TRPV1: variants seen among roughly 807,000 people sequenced by gnomAD.
The protein encoded by TRPV1 is transient receptor potential cation channel subfamily V member 1.
Under a neutral mutation model 82.3 loss-of-function variants are expected in TRPV1, and 82 were observed. The observed-to-expected ratio is 1.00, with a 90% confidence interval of 0.83 to 1.20. The LOEUF (loss-of-function observed/expected upper bound fraction) is 1.20, where lower values mean the gene tolerates loss of function less well. Ranked by LOEUF, TRPV1 falls within the 50% of genes most tolerant of loss-of-function variation. TRPV1 has a pLI of 0.00. For synonymous variants in TRPV1, 515 were observed against 467.7 expected (o/e 1.10, Z -1.30); for missense variants, 1,067 against 1,096.8 (o/e 0.97, Z 0.38).
chr17:3,593,973 C>G (rs934341504), intron 2 of TRPV1, among the ~76,000 whole-genome samples: 1 of 151,598 alleles, frequency 6.6e-6, no homozygotes, highest in African/African-American at 2.4e-5. Flanking sequence ...AAAAAAAATA[C>G]AAAAATTAGC....
intron 2 of TRPV1, among the ~76,000 whole-genome samples, chr17:3,602,749 T>C (rs161373): frequency 0.74 from 113,273 of 152,116 alleles, 43,966 homozygotes; most frequent in East Asian, 1. Flanking sequence ...TTAAGCTGAG[T>C]TCTTGACATT....
At chr17:3,608,735 T>C (rs1432425057) in intron 1 of TRPV1, 170 bp from the exon 2 acceptor site, 1 of 152,224 alleles carries the variant, frequency 6.6e-6, no homozygotes, top group Non-Finnish European at 1.5e-5. Flanking sequence ...GACGTTTTTC[T>C]GGTAGAACAC....
At chr17:3,585,572 C>G (rs1360411487) in intron 9 of TRPV1, 196 bp downstream of exon 9, 11 of 643,206 alleles carry the variant, frequency 1.7e-5, no homozygotes, top group Non-Finnish European at 2.4e-5. Flanking sequence ...GGGGGCGGGT[C>G]TCCTGTACAG....
Position 3,590,290 on chromosome 17 carries a change from A to C in TRPV1, c.707T>G (p.Phe236Cys), listed in dbSNP as rs754449776. 2 of 1,613,946 alleles carry C rather than the reference A, an allele frequency of 1.2e-6. No individual in the cohort carries two copies. Among genetic ancestry groups the C allele is most frequent in the Admixed American group, 3.3e-5 (2 of 60,018 alleles). The change falls in exon 6 of 17, where the codon TTC becomes TGC. Residue 236 changes from phenylalanine (F) to cysteine (C), a missense_variant. By Grantham distance (205) the Phe-to-Cys change is radical (BLOSUM62 -2). Coordinates refer to ENST00000572705, the MANE Select transcript of TRPV1 (RefSeq NM_080704.4). ...AGGCCGCCCTTTGGTTTTCTTAAAG[A>C]AGTCCCCATGGGCCGCAGCCTGGAC... is the stretch of plus-strand genomic sequence containing the variant. ...ADVQAAAHGD[F>C]FKKTKGRPGF...
chr17:3,592,047 G>A lies in TRPV1; in HGVS notation c.284+20C>T. 6.2e-7 allele frequency: 1 copy of A among 1,603,234 alleles called. No individual in the cohort carries two copies. The highest frequency in any genetic ancestry group is 2.2e-5 in the East Asian group (1 of 44,704). ...CAGCTGGGCTCCCAGCAGGGAGGGG[G>A]GCTCCAGACGCGGACTTACCTGGCA... On this transcript the variant is annotated intron_variant, in intron 3 of 16. Coordinates refer to ENST00000572705, the MANE Select transcript of TRPV1 (RefSeq NM_080704.4).
intron 8 of TRPV1, 80 bp from the exon 9 acceptor site, chr17:3,586,006 C>G: frequency 6.4e-7 from 1 of 1,561,988 alleles, no homozygotes; most frequent in Non-Finnish European, 8.7e-7. Flanking sequence ...TGGTGCCCCT[C>G]ACAGCCATGT....
At chr17:3,574,676 T>C (rs2074905998) in intron 13 of TRPV1, among the ~76,000 whole-genome samples, 1 of 152,146 alleles carries the variant, frequency 6.6e-6, no homozygotes, top group African/African-American at 2.4e-5. Context: ...AGGCCGGGCA[T>C]GGTGGCTCAC....
intron 14 of TRPV1, 99 bp downstream of exon 14, chr17:3,573,534 C>CG (rs1399758734): frequency 2.8e-5 from 4 of 143,626 alleles, no homozygotes; most frequent in Non-Finnish European, 6.3e-5. Context: ...CACACACCGC[C>CG]CCCACCACCC....
chr17:3,567,584 C>T (rs1340456354), intron 16 of TRPV1, among the ~76,000 whole-genome samples: 2 of 151,840 alleles, frequency 1.3e-5, no homozygotes, highest in African/African-American at 4.8e-5. Context: ...CATCGCCTGC[C>T]CCTCTCGGCC....
At position 3,591,237 on chromosome 17, in the gene TRPV1, A is replaced by G; in HGVS notation, c.401T>C (p.Leu134Pro). ...QNNCQDLESL[L>P]LFLQKSKKHL... ...CTTCTTGCTCTTCTGCAGGAAGAGC[A>G]GCAGGCTCTCCAGATCCTGGCAGTT... The change falls in exon 4 of 17, where the codon CTG (leucine) becomes CCG (proline). Residue 134 changes from leucine to proline, a missense_variant. Coordinates refer to ENST00000572705, the MANE Select transcript of TRPV1 (RefSeq NM_080704.4). 1.2e-6 allele frequency: 2 copies of G among 1,613,214 alleles called. No homozygotes were observed. Among genetic ancestry groups the G allele is most frequent in the South Asian group, 1.1e-5 (1 of 91,004 alleles).
intron 3 of TRPV1, 100 bp downstream of exon 3, chr17:3,591,967 C>T: frequency 6.8e-7 from 1 of 1,477,330 alleles, no homozygotes; most frequent in Non-Finnish European, 9.0e-7. Flanking sequence ...CTCCAGCCCC[C>T]TGGCTTTGTG....
In TRPV1 at chr17:3,566,728, A is replaced by G; in HGVS notation, c.*87T>C. The G allele has an allele frequency of 6.7e-7, 1 of 1,503,672 alleles. No homozygotes were observed. Among genetic ancestry groups the G allele is most frequent in the Non-Finnish European group, 9.0e-7 (1 of 1,110,742 alleles). 93.1% of individuals were successfully genotyped at this position (1,503,672 alleles called of 1,614,324 possible). On this transcript the variant is annotated 3_prime_UTR_variant, in exon 17 of 17. Coordinates refer to ENST00000572705, the MANE Select transcript of TRPV1 (RefSeq NM_080704.4). ...AGGCACAGACCAGGCCAGGCTGCTG[A>G]CAGAGCACTGGTGTTCCCTCAGCAG...
chr17:3,588,121 G>C, intron 8 of TRPV1, 67 bp downstream of exon 8: 1 of 1,509,228 alleles, frequency 6.6e-7, no homozygotes, highest in South Asian at 1.2e-5. Flanking sequence ...AGCTGGACCA[G>C]GGGCTGGGAT....
intron 7 of TRPV1, among the ~76,000 whole-genome samples, chr17:3,589,454 G>C (rs146638663): frequency 2.0e-5 from 3 of 151,958 alleles, no homozygotes; most frequent in Non-Finnish European, 4.4e-5. Context: ...CACCCACGTC[G>C]GCCTCCCAAA....
rs199990041 is a variant in TRPV1, at chr17:3,589,843, C to T, written c.1008G>A (p.Thr336=). The T allele has an allele frequency of 1.1e-5, 17 of 1,613,728 alleles. No individual in the cohort carries two copies. Among genetic ancestry groups the T allele is most frequent in the East Asian group, 4.5e-5 (2 of 44,882 alleles). ...LEELTNKKGM[T]PLALAAGTGK... The stretch of plus-strand genomic sequence containing the variant: ...CGGTCCCAGCTGCCAGAGCCAGCGG[C>T]GTCATTCCCTTCTTGTTGGTGAGCT... The change falls in exon 7 of 17, where the codon ACG becomes ACA. Residue 336 remains threonine, a synonymous_variant. Coordinates refer to ENST00000572705, the MANE Select transcript of TRPV1 (RefSeq NM_080704.4).
At chr17:3,603,317 T>G (rs1452914751) in intron 2 of TRPV1, among the ~76,000 whole-genome samples, 2 of 151,842 alleles carry the variant, frequency 1.3e-5, no homozygotes, top group Non-Finnish European at 2.9e-5. Context: ...AGACACCCAG[T>G]CAGCACAGAA....
rs2075169149 is a variant in TRPV1 at position 3,592,265 on chromosome 17, G to T, written c.86C>A (p.Pro29His). The T allele has an allele frequency of 6.2e-7, 1 of 1,608,014 alleles. No individual in the cohort carries two copies. The highest frequency in any genetic ancestry group is 8.5e-7 in the Non-Finnish European group (1 of 1,177,330). Residue 29 changes from proline to histidine, a missense_variant, in exon 3 of 17, where the codon CCT becomes CAT. Physicochemically the swap from Pro to His is moderately conservative, Grantham distance 77. Transcript: ENST00000572705. ...CTTGGCTGGAGGTGGCCTGGAGTTA[G>T]GGTCTCCATCCAGGGGGTCTGGGCA... ...DTCPDPLDGD[P>H]NSRPPPAKPQ...
intron 16 of TRPV1, among the ~76,000 whole-genome samples, 163 bp from the exon 17 acceptor site, chr17:3,567,150 G>A (rs1188124222): frequency 6.7e-6 from 1 of 150,104 alleles, no homozygotes; most frequent in Non-Finnish European, 1.5e-5. Context: ...CTGAGGTCAG[G>A]AGTTCAAGAC....
chr17:3,596,606 C>T (rs1297769680), intron 2 of TRPV1, among the ~76,000 whole-genome samples: 4 of 152,202 alleles, frequency 2.6e-5, no homozygotes, highest in Non-Finnish European at 2.9e-5. Flanking sequence ...GCAGCCTCCT[C>T]CCCCGAGGAC....
Sources: allele counts gnomAD v4.1 joint callset (sites outside exome capture counted in the v4.1 genomes callset), GRCh38; gene constraint gnomAD v4.1.1; transcripts MANE v1.5; gene names NCBI Gene and HGNC (gene_info 2026-07-23, HGNC 2026-07-21).